Variants in ESR1 observed in about 807,000 individuals in gnomAD.
The protein encoded by ESR1 is estrogen receptor 1, also known as estrogen receptor.
ESR1 carries 12 observed loss-of-function variants against 52.7 expected under a neutral mutation model. That is an observed-to-expected ratio of 0.23 (90% CI 0.15 to 0.37). The LOEUF (loss-of-function observed/expected upper bound fraction) is 0.37, where lower values mean the gene tolerates loss of function less well. Ranked by LOEUF, ESR1 falls within the 10% of genes least tolerant of loss-of-function variation. ESR1 has a pLI of 1.00. For missense variants in ESR1, 584 were observed against 779.7 expected (o/e 0.75, Z 2.99); for synonymous variants, 305 against 316.8 (o/e 0.96, Z 0.39).
intron 5 of ESR1, among the ~76,000 whole-genome samples, chr6:152,025,372 G>A (rs999330307): frequency 6.6e-6 from 1 of 151,532 alleles, no homozygotes; most frequent in Non-Finnish European, 1.5e-5. Flanking sequence ...ACCTGGACAT[G>A]GTGACTTCTT....
At chr6:151,927,569 G>C (rs1251204654) in intron 3 of ESR1, among the ~76,000 whole-genome samples, 1 of 152,142 alleles carries the variant, frequency 6.6e-6, no homozygotes, top group Non-Finnish European at 1.5e-5. Context: ...TTGGTAGTTT[G>C]TGTATTTCAA....
At position 152,111,849 on chromosome 6, in the gene ESR1, G is replaced by A. The variant is rs543736229; in HGVS notation, c.851-13417G>A. Among the ~76,000 whole-genome samples the A allele has an allele frequency of 3.3e-5, 5 of 152,296 alleles. No homozygotes were observed. In the East Asian group the frequency reaches 7.7e-4, roughly 24 times the overall value. On this transcript the variant is annotated intron_variant, in intron 6 of 6. Transcript: ENST00000427531. The stretch of plus-strand genomic sequence containing the variant: ...GCAAGGGAAGCATTTCCTTCCAATT[G>A]GAGGGAAGGGCTGATGGTGCCAAAA...
chr6:151,844,205 T>A (rs1784749573), intron 2 of ESR1, among the ~76,000 whole-genome samples: 1 of 152,024 alleles, frequency 6.6e-6, no homozygotes. Flanking sequence ...TTTTATTAGA[T>A]GATGCTATTT....
At chr6:151,832,821 G>C (rs980248742) in intron 1 of ESR1, among the ~76,000 whole-genome samples, 2 of 152,158 alleles carry the variant, frequency 1.3e-5, no homozygotes, top group Admixed American at 1.3e-4. Flanking sequence ...GGAAGGCAAG[G>C]CATGCAATAA....
intron 1 of ESR1, among the ~76,000 whole-genome samples, chr6:151,812,845 G>A (rs1226453515): frequency 1.3e-5 from 2 of 152,090 alleles, no homozygotes; most frequent in Admixed American, 1.3e-4. Flanking sequence ...AAAAAATACA[G>A]CCACTTGAAA....
At chr6:151,823,665 C>G (rs972821256) in intron 1 of ESR1, among the ~76,000 whole-genome samples, 17 of 151,970 alleles carry the variant, frequency 1.1e-4, no homozygotes, top group Non-Finnish European at 2.2e-4. Context: ...TGTTCCCCAC[C>G]CTGTGTCCAA....
At chr6:151,734,812 G>A (rs574844820) in intron 2 of ESR1, among the ~76,000 whole-genome samples, 43 of 151,932 alleles carry the variant, frequency 2.8e-4, no homozygotes, top group African/African-American at 9.9e-4. Flanking sequence ...AGTAGAGATG[G>A]GGTTTCATCA....
At chr6:151,706,955 A>G (rs1002607766) in intron 2 of ESR1, among the ~76,000 whole-genome samples, 1 of 152,206 alleles carries the variant, frequency 6.6e-6, no homozygotes, top group Non-Finnish European at 1.5e-5. Flanking sequence ...TCCAGGGTTT[A>G]TATGACACTG....
At chr6:151,678,602 A>G in intron 1 of ESR1, among the ~76,000 whole-genome samples, 1 of 152,144 alleles carries the variant, frequency 6.6e-6, no homozygotes, top group East Asian at 1.9e-4. Context: ...CTGATAACCA[A>G]CAGAAAAATG....
intron 4 of ESR1, among the ~76,000 whole-genome samples, chr6:151,995,914 T>G (rs561351841): frequency 6.6e-6 from 1 of 152,324 alleles, no homozygotes; most frequent in East Asian, 1.9e-4. Flanking sequence ...CATTTTCAGC[T>G]GAAGAAGCTG....
chr6:152,051,029 T>C (rs181120296), intron 5 of ESR1, among the ~76,000 whole-genome samples: 1 of 152,202 alleles, frequency 6.6e-6, no homozygotes, highest in Non-Finnish European at 1.5e-5. Context: ...CTCTAGGAAC[T>C]CTACCAGCAG....
intron 4 of ESR1, among the ~76,000 whole-genome samples, chr6:151,956,413 T>G (rs1351292301): frequency 6.6e-6 from 1 of 152,216 alleles, no homozygotes; most frequent in Non-Finnish European, 1.5e-5. Context: ...TCTCTGCCCA[T>G]TTCACACATG....
chr6:151,807,648 C>T (rs1379828506), upstream of ESR1: 1 of 586,716 alleles, frequency 1.7e-6, no homozygotes, highest in South Asian at 2.0e-5. Context: ...GCTCGGGAGA[C>T]CAGTACTTAA....
upstream of ESR1, among the ~76,000 whole-genome samples, chr6:151,804,071 G>A (rs1777534755): frequency 7.5e-6 from 1 of 133,876 alleles, no homozygotes; most frequent in Non-Finnish European, 1.6e-5. Flanking sequence ...AGGGTAGGGA[G>A]GGAAGCCAAG....
At chr6:151,800,912 G>A (rs1205344912), upstream of ESR1, among the ~76,000 whole-genome samples, 1 of 152,104 alleles carries the variant, frequency 6.6e-6, no homozygotes, top group Admixed American at 6.6e-5. Flanking sequence ...AGGTGCCGTG[G>A]TCACAAAATC....
Position 151,845,440 on chromosome 6 carries a change from A to C in ESR1, c.643+2653A>C, listed in dbSNP as rs541178212. On this transcript the variant is annotated intron_variant, in intron 2 of 7. Coordinates refer to ENST00000206249, the MANE Select transcript of ESR1 (RefSeq NM_000125.4). ...GAAAATTAGCTGAGCGTGGTGGTGC[A>C]CACCTGTAGTCCCAGCTACTTGGGA... is the stretch of plus-strand genomic sequence containing the variant. Among the ~76,000 whole-genome samples, 11 of 152,234 alleles carry C rather than the reference A, an allele frequency of 7.2e-5. No individual in the cohort carries two copies. The East Asian group carries it at 2.1e-3, about 29-fold the overall frequency.
chr6:151,982,740 A>G (rs2040117178), intron 4 of ESR1, among the ~76,000 whole-genome samples: 1 of 151,948 alleles, frequency 6.6e-6, no homozygotes, highest in Non-Finnish European at 1.5e-5. Context: ...TTTTAATAAT[A>G]TATTCATTTA....
intron 2 of ESR1, among the ~76,000 whole-genome samples, chr6:151,852,341 C>A (rs1212752012): frequency 6.6e-6 from 1 of 152,124 alleles, no homozygotes; most frequent in African/African-American, 2.4e-5. Context: ...TTGAAGGTTG[C>A]ACATTATTAA....
rs1286540088 is a variant in ESR1, at chr6:151,882,469, C to A, written c.760+1698C>A. Among the ~76,000 whole-genome samples, 60 of 152,174 alleles carry A rather than the reference C, an allele frequency of 3.9e-4. 1 individual carries two copies. Among genetic ancestry groups the A allele is most frequent in the Admixed American group, 3.9e-3 (60 of 15,274 alleles). ...ATATGGATTAAATATTTAAGGAATT[C>A]ATCTTTCTTTGTACTGTTGGAGAAT... is the stretch of plus-strand genomic sequence containing the variant. On this transcript the variant is annotated intron_variant, in intron 3 of 7. Coordinates refer to ENST00000206249, the MANE Select transcript of ESR1 (RefSeq NM_000125.4).
Sources: gnomAD v4.1 joint callset for allele counts (sites outside exome capture counted in the v4.1 genomes callset) on GRCh38, gnomAD v4.1.1 for gene constraint, MANE v1.5 for transcripts, NCBI Gene and HGNC (gene_info 2026-07-23, HGNC 2026-07-21) for gene names.